Variants in EME2 observed in about 807,000 individuals in gnomAD.
The protein encoded by EME2 is structure-specific endonuclease subunit EME2.
Under a neutral mutation model 41.9 loss-of-function variants are expected in EME2, and 58 were observed. The ratio of observed to expected loss-of-function variants is 1.38; its 90% confidence interval spans 1.12 to 1.72. The LOEUF (loss-of-function observed/expected upper bound fraction) is 1.72, where lower values mean the gene tolerates loss of function less well. Ranked by LOEUF, EME2 falls within the 40% of genes most tolerant of loss-of-function variation. The pLI is 0.00. For missense variants in EME2, 695 were observed against 541.9 expected (o/e 1.28, Z -2.81); for synonymous variants, 334 against 239.3 (o/e 1.40, Z -3.65).
chr16:1,775,094 G>T lies in EME2; in HGVS notation c.531G>T (p.Arg177=). The change falls in exon 4 of 8, where the codon CGG becomes CGT. Residue 177 remains arginine (R), a synonymous_variant. Transcript: ENST00000568449. ...GGATCTCCCCCGAGACCACCGCCCG[G>T]CCCCACCTGGCTGTCATCGGGCTGG... ...VPWISPETTA[R]PHLAVIGLDA... is the part of the protein sequence containing the mutation. 1 of 1,611,478 alleles carries T rather than the reference G, an allele frequency of 6.2e-7. No homozygotes were observed.
rs1199904266 is a variant in EME2 at position 1,776,255 on chromosome 16, C to G, written c.*17C>G. 6.2e-7 allele frequency: 1 copy of G among 1,611,338 alleles called. No individual in the cohort carries two copies. The highest frequency in any genetic ancestry group is 1.3e-5 in the African/African-American group (1 of 75,060). ...GGCTCCTGACCACACGTGGGACCAC[C>G]AGGACAGCATGCAGCCTTGGGGACA... On this transcript the variant is annotated 3_prime_UTR_variant, in exon 8 of 8. Transcript: ENST00000568449.
rs754408604 is a variant in EME2 at position 1,778,637 on chromosome 16, C to G, written c.*2399C>G. 1 of 1,527,354 alleles carries G rather than the reference C, an allele frequency of 6.5e-7. No homozygotes were observed. Among genetic ancestry groups the G allele is most frequent in the Non-Finnish European group, 8.8e-7 (1 of 1,138,076 alleles). 94.6% of individuals were successfully genotyped at this position (1,527,354 alleles called of 1,614,324 possible). A position where few individuals can be genotyped will look rare whatever the true frequency, so the allele number is the denominator to read the frequency against. On this transcript the variant is annotated 3_prime_UTR_variant, in exon 8 of 8. Transcript: ENST00000568449. ...GCTGGGAGAGAAGGGCCGGCTGTTACTACCTGTTGCCCGCTCTCTACCCTC... is the reference window on the plus strand; with the variant it reads ...GCTGGGAGAGAAGGGCCGGCTGTTAGTACCTGTTGCCCGCTCTCTACCCTC...
Position 1,778,589 on chromosome 16 carries a change from G to C in EME2, c.*2351G>C. On this transcript the variant is annotated 3_prime_UTR_variant, in exon 8 of 8. Coordinates refer to ENST00000568449, the MANE Select transcript of EME2 (RefSeq NM_001257370.2). ...TGGATGGCGGCAGCGTGGAGTACTC[G>C]GGGTCGGAGTCCGAGTCGCTGTGCT... 6 of 1,579,094 alleles carry C rather than the reference G, an allele frequency of 3.8e-6. No individual in the cohort carries two copies. The highest frequency in any genetic ancestry group is 5.2e-6 in the Non-Finnish European group (6 of 1,158,770).
intron 3 of EME2, 115 bp downstream of exon 3, chr16:1,774,467 C>T (rs1015188133): frequency 7.6e-6 from 6 of 787,642 alleles, no homozygotes; most frequent in African/African-American, 3.4e-5. Context: ...GGGCATGGGG[C>T]AGGCCAGGAC....
intron 6 of EME2, 45 bp downstream of exon 6, chr16:1,775,729 A>G (rs747825960): frequency 2.5e-6 from 4 of 1,612,246 alleles, no homozygotes; most frequent in South Asian, 1.1e-5. Context: ...ACCTCAAGGT[A>G]GTGGTGCCTC....
At position 1,778,874 on chromosome 16, in the gene EME2, T is replaced by A. The variant is rs973252567; in HGVS notation, c.*2636T>A. On this transcript the variant is annotated 3_prime_UTR_variant, in exon 8 of 8. Coordinates refer to ENST00000568449, the MANE Select transcript of EME2 (RefSeq NM_001257370.2). ...CAAGGCTGCCTGGCCTCCAAGTGGT[T>A]TCTAGACGGTGGATAAGCCCCAGGT... The A allele has an allele frequency of 2.3e-5, 9 of 393,892 alleles. No homozygotes were observed. The highest frequency in any genetic ancestry group is 1.4e-4 in the South Asian group (2 of 14,740). 24.4% of individuals were successfully genotyped at this position (393,892 alleles called of 1,614,324 possible). A position where few individuals can be genotyped will look rare whatever the true frequency, so the allele number is the denominator to read the frequency against.
rs1385834049 is a variant in EME2, at chr16:1,777,279, G to A, written c.*1041G>A. 6.2e-7 allele frequency: 1 copy of A among 1,610,506 alleles called. No homozygotes were observed. The highest frequency in any genetic ancestry group is 1.1e-5 in the South Asian group (1 of 91,078). On this transcript the variant is annotated 3_prime_UTR_variant, in exon 8 of 8. Transcript: ENST00000568449. The stretch of plus-strand genomic sequence containing the variant: ...CCCGGCGGCAGCGGCAGACCCTCCA[G>A]CGTGTCTCCCGAGTCTGGCCGCAGC...
rs1034997017 is a variant in EME2 at position 1,778,841 on chromosome 16, G to A, written c.*2603G>A. The A allele has an allele frequency of 1.1e-4, 52 of 458,620 alleles. 1 individual carries two copies. The Admixed American group carries it at 1.4e-3, about 13-fold the overall frequency. 28.4% of individuals were successfully genotyped at this position (458,620 alleles called of 1,614,324 possible). A position where few individuals can be genotyped will look rare whatever the true frequency, so the allele number is the denominator to read the frequency against. On this transcript the variant is annotated 3_prime_UTR_variant, in exon 8 of 8. Transcript: ENST00000568449. ...AGGGCCCTGGAGGCCCAGCCACAGA[G>A]CAGTAGCCAAGGCTGCCTGGCCTCC...
rs1360261211 is a variant in EME2 at position 1,775,776 on chromosome 16, A to G, written c.780-21A>G. On this transcript the variant is annotated intron_variant, in intron 6 of 7. Coordinates refer to ENST00000568449, the MANE Select transcript of EME2 (RefSeq NM_001257370.2). ...GGGAGCTGCTCACATGAGGTTCTAA[A>G]AGGCTTCTCTCTGTCCCCAGGCAGT... The G allele has an allele frequency of 2.5e-6, 4 of 1,612,052 alleles. No homozygotes were observed. The East Asian group carries it at 8.9e-5, about 36-fold the overall frequency.
rs371577485 is a variant in EME2 at position 1,775,608 on chromosome 16, C to G, written c.703C>G (p.Leu235Val). ...GCAGCTCTGGGCAAACCTGGACGTG[C>G]TACTGGTGGCCTCTTGGCAGGAGCT... ...LLQLWANLDV[L>V]LVASWQELSR... Residue 235 changes from leucine to valine, a missense_variant, in exon 6 of 8, where the codon CTA (leucine) becomes GTA (valine). Transcript: ENST00000568449. 4 of 1,612,824 alleles carry G rather than the reference C, an allele frequency of 2.5e-6. No individual in the cohort carries two copies. The East Asian group carries it at 6.7e-5, about 27-fold the overall frequency.
rs1409920615 is a variant in EME2, at chr16:1,776,937, A to T, written c.*699A>T. 15 of 820,078 alleles carry T rather than the reference A, an allele frequency of 1.8e-5. No individual in the cohort carries two copies. The African/African-American group carries it at 1.9e-4, about 10-fold the overall frequency. The allele number at this position is 820,078 out of a possible 1,614,324, so 50.8% of individuals were successfully genotyped here. A position where few individuals can be genotyped will look rare whatever the true frequency, so the allele number is the denominator to read the frequency against. On this transcript the variant is annotated 3_prime_UTR_variant, in exon 8 of 8. Transcript: ENST00000568449. ...AGCAGAGGGGCCCTAGAGCCCCCAC[A>T]GAAAGGACTGTCCCAGCCTCGGGAG...
In EME2 at chr16:1,781,377, C is replaced by G. The variant is rs754935596; in HGVS notation, c.*5139C>G. 3.7e-6 allele frequency: 6 copies of G among 1,612,916 alleles called. No individual in the cohort carries two copies. Among genetic ancestry groups the G allele is most frequent in the Non-Finnish European group, 5.1e-6 (6 of 1,180,014 alleles). ...ACCTACCTGCCCATCAGAGTCGTAG[C>G]CCCAGTTAGTGGAGCCTGCTAGAGC... On this transcript the variant is annotated 3_prime_UTR_variant, in exon 8 of 8. Transcript: ENST00000568449.
intron 4 of EME2, 34 bp from the exon 5 acceptor site, chr16:1,775,281 T>G: frequency 6.2e-7 from 1 of 1,603,534 alleles, no homozygotes. Context: ...GCAGGCCCCA[T>G]GGGGAGCGGG....
At chr16:1,775,163 C>G in intron 4 of EME2, 31 bp downstream of exon 4, 1 of 1,607,394 alleles carries the variant, frequency 6.2e-7, no homozygotes, top group Non-Finnish European at 8.5e-7. Flanking sequence ...CACAGCAGGG[C>G]TGGCTGGGAC....
Position 1,778,397 on chromosome 16 carries a change from G to A in EME2, c.*2159G>A, listed in dbSNP as rs775581867. ...GCCCTGCCCACCCCCAGGCCCGCCC[G>A]CAGTGCAGTCCCAGCAGGGGCTGGG... On this transcript the variant is annotated 3_prime_UTR_variant, in exon 8 of 8. Coordinates refer to ENST00000568449, the MANE Select transcript of EME2 (RefSeq NM_001257370.2). The A allele has an allele frequency of 5.1e-5, 82 of 1,605,808 alleles. No homozygotes were observed. The highest frequency in any genetic ancestry group is 1.7e-4 in the Middle Eastern group (1 of 6,038).
rs770920719 is a variant in EME2 at position 1,777,892 on chromosome 16, C to T, written c.*1654C>T. On this transcript the variant is annotated 3_prime_UTR_variant, in exon 8 of 8. Coordinates refer to ENST00000568449, the MANE Select transcript of EME2 (RefSeq NM_001257370.2). ...GGAGGCCTGGGGGCAGCCAGGGTCGCAGTGAGCCCGGGAGCTCCAGGCTCG... is the reference window on the plus strand; with the variant it reads ...GGAGGCCTGGGGGCAGCCAGGGTCGTAGTGAGCCCGGGAGCTCCAGGCTCG... 10 of 1,611,944 alleles carry T rather than the reference C, an allele frequency of 6.2e-6. No homozygotes were observed. Among genetic ancestry groups the T allele is most frequent in the Non-Finnish European group, 7.6e-6 (9 of 1,179,640 alleles).
At position 1,773,754 on chromosome 16, in the gene EME2, C is replaced by T. The variant is rs1224417896; in HGVS notation, c.297C>T (p.Ala99=). Reference sequence around the variant, plus strand: ...ACGTCCTGATGGAGGCCCTGGAGGCCCTGGGCTGCGAGTGCCGCATCGAGC... The same window carrying T: ...ACGTCCTGATGGAGGCCCTGGAGGCTCTGGGCTGCGAGTGCCGCATCGAGC... The part of the protein sequence containing the change: ...GADVLMEALE[A]LGCECRIEPQ... Residue 99 remains alanine (A), a synonymous_variant, in exon 2 of 8, where the codon GCC becomes GCT. Coordinates refer to ENST00000568449, the MANE Select transcript of EME2 (RefSeq NM_001257370.2). 4.5e-6 allele frequency: 7 copies of T among 1,549,858 alleles called. No homozygotes were observed. The South Asian group carries it at 4.8e-5, about 11-fold the overall frequency.
rs769701527 is a variant in EME2, at chr16:1,773,123, G to C, written c.-105G>C. The C allele has an allele frequency of 2.2e-6, 3 of 1,390,752 alleles. No individual in the cohort carries two copies. The South Asian group carries it at 4.9e-5, about 23-fold the overall frequency. 86.2% of individuals were successfully genotyped at this position (1,390,752 alleles called of 1,614,324 possible). On this transcript the variant is annotated 5_prime_UTR_variant, in exon 1 of 8. Transcript: ENST00000568449. ...GACGCACCTTCTTCCGCGCCATGGCGGGTCCGCGTCCTCAGCGGTCCGGCC... is the reference window on the plus strand; with the variant it reads ...GACGCACCTTCTTCCGCGCCATGGCCGGTCCGCGTCCTCAGCGGTCCGGCC...
At position 1,775,962 on chromosome 16, in the gene EME2, C is replaced by A. The variant is rs2042705731; in HGVS notation, c.945C>A (p.Phe315Leu). The A allele has an allele frequency of 1.2e-6, 2 of 1,609,724 alleles. No homozygotes were observed. The highest frequency in any genetic ancestry group is 1.7e-6 in the Non-Finnish European group (2 of 1,179,190). Residue 315 changes from phenylalanine (F) to leucine (L), a missense_variant, in exon 7 of 8, where the codon TTC (phenylalanine) becomes TTA (leucine). Physicochemically the swap from Phe to Leu is conservative, Grantham distance 22 (BLOSUM62 0). Coordinates refer to ENST00000568449, the MANE Select transcript of EME2 (RefSeq NM_001257370.2). ...TGGCTGATGCAGTTGTCACAGCCTT[C>A]CCCTCCCCCCGCCTTCTGCAGCAGG... ...PAVADAVVTAFPSPRLLQQAL... is the reference protein window; with the variant it reads ...PAVADAVVTALPSPRLLQQAL...
Sources: allele counts gnomAD v4.1 joint callset, GRCh38; gene constraint gnomAD v4.1.1; transcripts MANE v1.5; gene names NCBI Gene and HGNC (gene_info 2026-07-23, HGNC 2026-07-21).